Variants in LAMB1 observed in about 807,000 individuals in gnomAD.
The protein encoded by LAMB1 is laminin subunit beta-1.
Under a neutral mutation model 222.3 loss-of-function variants are expected in LAMB1, and 121 were observed. That is an observed-to-expected ratio of 0.54 (90% CI 0.47 to 0.63). The LOEUF (loss-of-function observed/expected upper bound fraction) is 0.63, where lower values mean the gene tolerates loss of function less well. LAMB1 is among the 30% of genes least tolerant of loss of function. The probability of loss-of-function intolerance (pLI) is 0.00; values close to 1 mark genes in which losing one functional copy is unlikely to be tolerated. For synonymous variants in LAMB1, 794 were observed against 807.2 expected (o/e 0.98, Z 0.28); for missense variants, 2,172 against 2,240.8 (o/e 0.97, Z 0.62).
chr7:107,961,962 A>G (rs993758780), intron 15 of LAMB1, among the ~76,000 whole-genome samples: 2 of 152,120 alleles, frequency 1.3e-5, no homozygotes, highest in Non-Finnish European at 2.9e-5. Context: ...ATGCTTCAAT[A>G]GCTTCCTGTG....
At chr7:107,999,538 T>A (rs895977597) in intron 3 of LAMB1, among the ~76,000 whole-genome samples, 6 of 152,154 alleles carry the variant, frequency 3.9e-5, no homozygotes, top group Non-Finnish European at 8.8e-5. Context: ...TACCTTCTTC[T>A]CAAAAGGATT....
intron 29 of LAMB1, 143 bp downstream of exon 29, chr7:107,931,213 G>T: frequency 1.5e-6 from 1 of 688,660 alleles, no homozygotes; most frequent in Non-Finnish European, 2.4e-6. Flanking sequence ...ATAAGTTTAA[G>T]AAGTGGAAAC....
intron 7 of LAMB1, among the ~76,000 whole-genome samples, chr7:107,984,358 C>G (rs1295516363): frequency 6.6e-6 from 1 of 152,202 alleles, no homozygotes; most frequent in Non-Finnish European, 1.5e-5. Context: ...AAGCGATTCT[C>G]CTGCCTCAGC....
intron 14 of LAMB1, among the ~76,000 whole-genome samples, chr7:107,963,593 T>G (rs1182327022): frequency 6.6e-6 from 1 of 152,238 alleles, no homozygotes; most frequent in Non-Finnish European, 1.5e-5. Flanking sequence ...TATCCAAAAA[T>G]GGCTGGGATC....
chr7:107,964,399 A>T (rs915077002), intron 14 of LAMB1, among the ~76,000 whole-genome samples, 153 bp downstream of exon 14: 1 of 152,160 alleles, frequency 6.6e-6, no homozygotes, highest in African/African-American at 2.4e-5. Context: ...TTTAAATATG[A>T]CTCTTCTCAG....
chr7:107,982,845 G>T (rs543594111), intron 7 of LAMB1, among the ~76,000 whole-genome samples: 1 of 152,300 alleles, frequency 6.6e-6, no homozygotes, highest in South Asian at 2.1e-4. Context: ...TCAAATGCAT[G>T]ATCAGCTAAC....
rs2034071447 is a variant in LAMB1, at chr7:107,986,092, A to T, written c.613-7T>A. 1 of 1,612,682 alleles carries T rather than the reference A, an allele frequency of 6.2e-7. No homozygotes were observed. Among genetic ancestry groups the T allele is most frequent in the Non-Finnish European group, 8.5e-7 (1 of 1,178,640 alleles). ...CTAAAGCACGAAATATCACCTAAAA[A>T]TGGAAACAAGAGTAATTGGTACTTC... On this transcript the variant is annotated splice_region_variant and splice_polypyrimidine_tract_variant and intron_variant, in intron 6 of 33. Coordinates refer to ENST00000222399, the MANE Select transcript of LAMB1 (RefSeq NM_002291.3).
At position 107,978,177 on chromosome 7, in the gene LAMB1, T is replaced by C. The variant is rs777791606; in HGVS notation, c.880-10A>G. Reference sequence around the variant, plus strand: ...TGCAGTGTCCGTGAACCTTGAAAGTTATAAAAACAGGAGAGAACAAAGGAA... The same window carrying C: ...TGCAGTGTCCGTGAACCTTGAAAGTCATAAAAACAGGAGAGAACAAAGGAA... On this transcript the variant is annotated splice_polypyrimidine_tract_variant and intron_variant, in intron 8 of 33. Transcript: ENST00000222399. 5.0e-6 allele frequency: 8 copies of C among 1,613,314 alleles called. No homozygotes were observed. The highest frequency in any genetic ancestry group is 5.1e-6 in the Non-Finnish European group (6 of 1,179,662).
chr7:108,002,158 C>G, intron 2 of LAMB1: 2 of 1,440,562 alleles, frequency 1.4e-6, no homozygotes, highest in Non-Finnish European at 1.8e-6. Context: ...CACGCGGCAG[C>G]CCGCGCATCC....
intron 27 of LAMB1, among the ~76,000 whole-genome samples, chr7:107,934,729 A>C (rs1195572557): frequency 6.6e-6 from 1 of 152,136 alleles, no homozygotes; most frequent in Non-Finnish European, 1.5e-5. Context: ...CTGAATTCCT[A>C]CACTGAGATG....
intron 20 of LAMB1, among the ~76,000 whole-genome samples, chr7:107,958,664 T>C (rs2033428566): frequency 6.6e-6 from 1 of 152,142 alleles, no homozygotes; most frequent in Non-Finnish European, 1.5e-5. Flanking sequence ...TCATACGGAG[T>C]ATTTTTTATC....
chr7:107,959,814 C>G lies in LAMB1; in HGVS notation c.2335G>C (p.Gly779Arg), dbSNP rs182916295. The G allele has an allele frequency of 1.2e-6, 2 of 1,613,478 alleles. No individual in the cohort carries two copies. The highest frequency in any genetic ancestry group is 2.7e-5 in the African/African-American group (2 of 75,054). The stretch of plus-strand genomic sequence containing the variant: ...GGATCACACACGGAACTTAACGAAC[C>G]CTGAGGGTCGCATTCACAAGCTGTG... ...TGLACECDPQ[G>R]SLSSVCDPNG... Residue 779 changes from glycine to arginine, a missense_variant, in exon 19 of 34, where the codon GGT becomes CGT. By Grantham distance (125) the Gly-to-Arg change is moderately radical. Coordinates refer to ENST00000222399, the MANE Select transcript of LAMB1 (RefSeq NM_002291.3).
intron 4 of LAMB1, among the ~76,000 whole-genome samples, chr7:107,996,741 G>C (rs2034288225): frequency 6.6e-6 from 1 of 152,144 alleles, no homozygotes; most frequent in Non-Finnish European, 1.5e-5. Flanking sequence ...ACATAACTAA[G>C]AAAAACCTTC....
intron 13 of LAMB1, among the ~76,000 whole-genome samples, chr7:107,969,532 G>T (rs1034052416): frequency 1.3e-5 from 2 of 152,254 alleles, no homozygotes; most frequent in East Asian, 3.9e-4. Flanking sequence ...TTTCTTTTTG[G>T]TAAGACCTAC....
At chr7:107,995,854 G>A (rs1046479512) in intron 4 of LAMB1, among the ~76,000 whole-genome samples, 3 of 152,104 alleles carry the variant, frequency 2.0e-5, no homozygotes, top group African/African-American at 4.8e-5. Context: ...GAATGTGTCA[G>A]AATGAATCAT....
Position 107,975,046 on chromosome 7 carries a change from G to T in LAMB1, c.1422C>A (p.Ser474=). 1 of 1,613,314 alleles carries T rather than the reference G, an allele frequency of 6.2e-7. No homozygotes were observed. The highest frequency in any genetic ancestry group is 8.5e-7 in the Non-Finnish European group (1 of 1,179,438). The change falls in exon 12 of 34, where the codon TCC becomes TCA. Residue 474 remains serine, a synonymous_variant. Coordinates refer to ENST00000222399, the MANE Select transcript of LAMB1 (RefSeq NM_002291.3). ...GCTTGCAGTAGCAGTGACCTGTCTC[G>T]GAATCACAAGGATTCCCTCCAGGAA... ...GTIPGGNPCD[S]ETGHCYCKRL...
rs2237691 is a variant in LAMB1, at chr7:107,946,309, T to C, written c.3391+4917A>G. 1.5e-3 allele frequency among the ~76,000 whole-genome samples: 236 copies of C among 152,390 alleles called. 3 individuals are homozygous for C. The East Asian group carries it at 0.038, about 25-fold the overall frequency. ...TTTTTCTGACATTCTCTTTTATCCT[T>C]TTCCCTTTTTGGCCTCAGTAATATA... On this transcript the variant is annotated intron_variant, in intron 24 of 33. Coordinates refer to ENST00000222399, the MANE Select transcript of LAMB1 (RefSeq NM_002291.3).
chr7:107,951,585 A>G (rs771678779), intron 23 of LAMB1, among the ~76,000 whole-genome samples: 7 of 152,182 alleles, frequency 4.6e-5, no homozygotes, highest in Admixed American at 2.0e-4. Flanking sequence ...ATCCTCACAG[A>G]TCAGCCACAA....
chr7:107,935,613 C>T lies in LAMB1; in HGVS notation c.3990G>A (p.Glu1330=). ...TGGAGGCATTCACCCTCTCCTCTGC[C>T]TCAAGAGACATCTGGAAATACTTGG... ...SITKYFQMSL[E]AEERVNASTT... is the part of the protein sequence containing the mutation. Residue 1330 remains glutamate, a synonymous_variant, in exon 27 of 34, where the codon GAG becomes GAA. Coordinates refer to ENST00000222399, the MANE Select transcript of LAMB1 (RefSeq NM_002291.3). 1 of 1,613,924 alleles carries T rather than the reference C, an allele frequency of 6.2e-7. No individual in the cohort carries two copies.
Sources: allele counts gnomAD v4.1 joint callset (sites outside exome capture counted in the v4.1 genomes callset), GRCh38; gene constraint gnomAD v4.1.1; transcripts MANE v1.5; gene names NCBI Gene and HGNC (gene_info 2026-07-23, HGNC 2026-07-21).